Variants in PIH1D2 observed in about 807,000 individuals in gnomAD.
PIH1D2 encodes the protein PIH1 domain containing 2.
In PIH1D2, 25 loss-of-function variants were observed where a neutral mutation model predicts 31.2. The ratio of observed to expected loss-of-function variants is 0.80; its 90% confidence interval spans 0.58 to 1.12. The LOEUF is 1.12. Ranked by LOEUF, PIH1D2 falls within the 50% of genes most tolerant of loss-of-function variation. The pLI, the probability that PIH1D2 is intolerant of heterozygous loss-of-function variation, is 0.00. For missense variants in PIH1D2, 310 were observed against 356.6 expected (o/e 0.87, Z 1.05); for synonymous variants, 116 against 119.9 (o/e 0.97, Z 0.21).
rs1230809846 is a variant in PIH1D2, at chr11:112,068,982, G to GTTTTTT, written c.814-983_814-978dup. Among the ~76,000 whole-genome samples the GTTTTTT allele has an allele frequency of 1.9e-3, 171 of 88,408 alleles. 6 individuals carry two copies. The highest frequency in any genetic ancestry group is 9.8e-3 in the African/African-American group (161 of 16,434). 58.0% of individuals were successfully genotyped at this position (88,408 alleles called of 152,430 possible). ...TTGTTAAAACCTCTGAATTTTTTTTGTTTTTTTTTTTTTTTGTTTTTTTTT... is the reference window on the plus strand; with the variant it reads ...TTGTTAAAACCTCTGAATTTTTTTTGTTTTTTTTTTTTTTTTTTTTTGTTTTTTTTT... On this transcript the variant is annotated intron_variant, in intron 5 of 5. Coordinates refer to ENST00000280350, the MANE Select transcript of PIH1D2 (RefSeq NM_138789.4).
At chr11:112,064,122 A>T, downstream of PIH1D2, 1 of 1,439,020 alleles carries the variant, frequency 6.9e-7, no homozygotes, top group East Asian at 2.4e-5. Flanking sequence ...AAACAAGCTT[A>T]TCACAAGGGA....
chr11:112,068,449 A>C (rs587742759), intron 5 of PIH1D2, among the ~76,000 whole-genome samples: 1 of 152,304 alleles, frequency 6.6e-6, no homozygotes, highest in South Asian at 2.1e-4. Flanking sequence ...GGATATTACA[A>C]GAAAGATGAG....
At chr11:112,065,071 A>C (rs1485622100), downstream of PIH1D2, among the ~76,000 whole-genome samples, 2 of 151,724 alleles carry the variant, frequency 1.3e-5, no homozygotes, top group Admixed American at 6.6e-5. Flanking sequence ...CTATCTCCTG[A>C]CCTTGTGATC....
rs1555185020 is a variant in PIH1D2, at chr11:112,073,034, G to A, written c.141C>T (p.Ala47=). 1 of 1,613,872 alleles carries A rather than the reference G, an allele frequency of 6.2e-7. No individual in the cohort carries two copies. The highest frequency in any genetic ancestry group is 1.7e-5 in the Admixed American group (1 of 60,004). Residue 47 remains alanine (A), a synonymous_variant, in exon 2 of 6, where the codon GCC becomes GCT. Transcript: ENST00000280350. ...QLKEGKQLCA[A]PEPQLCLQTR... ...TCTGTAGACAAAGCTGTGGTTCTGG[G>A]GCAGCACAGAGCTGTTTCCCTTCTT...
At chr11:112,056,268 C>T in the PIH1D2 span, among the ~76,000 whole-genome samples, 4 of 152,126 alleles carry the variant, frequency 2.6e-5, no homozygotes, top group African/African-American at 4.8e-5. Flanking sequence ...TGCAGAATTA[C>T]GCAGTCTTTA....
In PIH1D2 at chr11:112,067,861, T is replaced by C. The variant is rs1864987583; in HGVS notation, c.*10A>G. ...AGCACTGAAAACCCAAAACATATGA[T>C]GCTCTTCTTTCACACCAAAGGCATT... On this transcript the variant is annotated 3_prime_UTR_variant, in exon 6 of 6. Coordinates refer to ENST00000280350, the MANE Select transcript of PIH1D2 (RefSeq NM_138789.4). 2 of 1,611,632 alleles carry C rather than the reference T, an allele frequency of 1.2e-6. No individual in the cohort carries two copies. Among genetic ancestry groups the C allele is most frequent in the African/African-American group, 2.7e-5 (2 of 74,548 alleles).
Position 112,071,036 on chromosome 11 carries a change from A to G in PIH1D2, c.547+2T>C. 6.2e-7 allele frequency: 1 copy of G among 1,611,484 alleles called. No homozygotes were observed. Among genetic ancestry groups the G allele is most frequent in the Middle Eastern group, 1.7e-4 (1 of 5,886 alleles). ...ATTTTCCATTTACAATCATCAACTT[A>G]CCCCTTCTCATTTTTTCTCTTAAAT... On this transcript the variant is annotated splice_donor_variant, in intron 4 of 5. Coordinates refer to ENST00000280350, the MANE Select transcript of PIH1D2 (RefSeq NM_138789.4). LOFTEE classifies it high-confidence loss of function.
downstream of PIH1D2, chr11:112,061,290 A>T (rs587743982): frequency 2.9e-6 from 3 of 1,043,472 alleles, no homozygotes; most frequent in East Asian, 7.2e-5. Context: ...GTGATCCACA[A>T]TGCTCAAGTC....
At chr11:112,067,251 T>C (rs1864951420), downstream of PIH1D2, among the ~76,000 whole-genome samples, 1 of 152,210 alleles carries the variant, frequency 6.6e-6, no homozygotes, top group Non-Finnish European at 1.5e-5. Context: ...CACTTGTTAC[T>C]TGGAAACAAT....
intron 5 of PIH1D2, chr11:112,070,159 C>A (rs1555184348): frequency 1.7e-5 from 10 of 577,032 alleles, no homozygotes; most frequent in Middle Eastern, 4.6e-4. Flanking sequence ...GTAGAACTGG[C>A]CTTGTGACTT....
chr11:112,071,609 A>G (rs200991426), intron 3 of PIH1D2, 26 bp downstream of exon 3: 26 of 1,605,070 alleles, frequency 1.6e-5, no homozygotes, highest in East Asian at 4.5e-5. Flanking sequence ...AATTTTTACA[A>G]TGTGCTTTCT....
At chr11:112,056,738 A>G in the PIH1D2 span, among the ~76,000 whole-genome samples, 42 of 152,194 alleles carry the variant, frequency 2.8e-4, 1 homozygote, top group Non-Finnish European at 2.4e-4. Context: ...TAATTTTTAG[A>G]GAAACTTCTA....
At chr11:112,052,903 A>G in the PIH1D2 span, among the ~76,000 whole-genome samples, 1 of 152,098 alleles carries the variant, frequency 6.6e-6, no homozygotes, top group Non-Finnish European at 1.5e-5. Context: ...AGCTTATTAT[A>G]TAAGGGCTCA....
At chr11:112,071,993 T>A (rs1434302656) in intron 2 of PIH1D2, among the ~76,000 whole-genome samples, 1 of 152,078 alleles carries the variant, frequency 6.6e-6, no homozygotes, top group Admixed American at 6.5e-5. Flanking sequence ...CTCGGGAGGC[T>A]GAGGCAGGAG....
intron 5 of PIH1D2, among the ~76,000 whole-genome samples, chr11:112,068,666 C>T (rs1276462853): frequency 1.3e-5 from 2 of 152,064 alleles, no homozygotes. Flanking sequence ...TGCCTGTAAT[C>T]CCAGCTACTC....
the PIH1D2 span, among the ~76,000 whole-genome samples, chr11:112,052,578 G>A: frequency 6.6e-6 from 1 of 152,154 alleles, no homozygotes; most frequent in Admixed American, 6.5e-5. Context: ...TTTGAGGTGG[G>A]GTGGTGCAGA....
At chr11:112,070,406 C>G in intron 5 of PIH1D2, 30 bp downstream of exon 5, 1 of 1,601,018 alleles carries the variant, frequency 6.2e-7, no homozygotes, top group Non-Finnish European at 8.5e-7. Context: ...CTGGCCAATA[C>G]AAATTTACAG....
At chr11:112,062,257 A>G (rs1221319045), downstream of PIH1D2, 2 of 818,374 alleles carry the variant, frequency 2.4e-6, no homozygotes, top group East Asian at 2.6e-5. Context: ...CAAGCTATAA[A>G]TTTGAGCTAA....
chr11:112,073,291 A>T (rs1865205932), intron 1 of PIH1D2, 86 bp from the exon 2 acceptor site: 1 of 962,394 alleles, frequency 1.0e-6, no homozygotes, highest in South Asian at 1.9e-5. Context: ...TGGGTCAGGA[A>T]TTGTTTTGGT....
Sources: allele counts gnomAD v4.1 joint callset (sites outside exome capture counted in the v4.1 genomes callset), GRCh38; gene constraint gnomAD v4.1.1; transcripts MANE v1.5; gene names NCBI Gene and HGNC (gene_info 2026-07-23, HGNC 2026-07-21).